TATDN3: variants seen among roughly 807,000 people sequenced by gnomAD.
TATDN3 encodes the protein TatD DNase domain containing 3.
In TATDN3, 29 loss-of-function variants were observed where a neutral mutation model predicts 40.1. That is an observed-to-expected ratio of 0.72 (90% CI 0.54 to 0.99). The LOEUF is 0.99. TATDN3 is among the 50% of genes least tolerant of loss of function. The pLI, the probability that TATDN3 is intolerant of heterozygous loss-of-function variation, is 0.00. For synonymous variants in TATDN3, 105 were observed against 117.0 expected (o/e 0.90, Z 0.66); for missense variants, 309 against 321.9 (o/e 0.96, Z 0.31).
chr1:212,797,080 TC>T lies in TATDN3; in HGVS notation c.174-30del, dbSNP rs35184562. The stretch of plus-strand genomic sequence containing the variant: ...ACGTTGTAATCTACTAGTCTACTGT[TC>T]CTGCTTTCTCAGTTGGTTCTACATT... On this transcript the variant is annotated intron_variant, in intron 3 of 9. Transcript: ENST00000366974. 352 of 1,535,366 alleles carry T rather than the reference TC, an allele frequency of 2.3e-4. 1 individual carries two copies. The African/African-American group carries it at 3.6e-3, about 16-fold the overall frequency.
intron 1 of TATDN3, among the ~76,000 whole-genome samples, chr1:212,793,824 A>C (rs1039182950): frequency 2.0e-5 from 3 of 152,160 alleles, no homozygotes; most frequent in Non-Finnish European, 2.9e-5. Flanking sequence ...GGGAAGACCA[A>C]GGTCTGAGGT....
chr1:212,808,259 C>A (rs1055012925), intron 8 of TATDN3, among the ~76,000 whole-genome samples: 1 of 150,722 alleles, frequency 6.6e-6, no homozygotes, highest in Non-Finnish European at 1.5e-5. Context: ...TTGCAGTGAG[C>A]CAAGATCAAG....
intron 7 of TATDN3, among the ~76,000 whole-genome samples, chr1:212,807,482 G>C (rs1662612554): frequency 6.6e-6 from 1 of 151,952 alleles, no homozygotes; most frequent in South Asian, 2.1e-4. Context: ...CGAACTCCTG[G>C]GCTCAAGTGA....
intron 8 of TATDN3, among the ~76,000 whole-genome samples, chr1:212,808,964 A>C (rs1662700126): frequency 6.6e-6 from 1 of 152,266 alleles, no homozygotes; most frequent in Non-Finnish European, 1.5e-5. Context: ...TCAGCTGATG[A>C]ATGGATAAAT....
chr1:212,794,079 G>C (rs11120028), intron 1 of TATDN3, among the ~76,000 whole-genome samples: 24,681 of 151,256 alleles, frequency 0.16, 2,956 homozygotes, highest in Admixed American at 0.39. Flanking sequence ...AGGAGATCGA[G>C]ACCATCCTGG....
At position 212,806,827 on chromosome 1, in the gene TATDN3, CAT is replaced by C. The variant is rs1388610658; in HGVS notation, c.488-901_488-900del. ...ATATACACATATATACACATATATA[CAT>C]ATATATACATATATACACATATATA... On this transcript the variant is annotated intron_variant, in intron 7 of 9. Coordinates refer to ENST00000366974, the MANE Select transcript of TATDN3 (RefSeq NM_001042552.3). Among the ~76,000 whole-genome samples, 10 of 74,170 alleles carry C rather than the reference CAT, an allele frequency of 1.3e-4. 1 individual carries two copies. The highest frequency in any genetic ancestry group is 4.1e-4 in the African/African-American group (8 of 19,578). 48.7% of individuals were successfully genotyped at this position (74,170 alleles called of 152,430 possible).
In TATDN3 at chr1:212,797,194, A is replaced by G; in HGVS notation, c.256A>G (p.Lys86Glu). Residue 86 changes from lysine (K) to glutamate (E), a missense_variant and splice_region_variant, in exon 4 of 10, where the codon AAG becomes GAG. Lys to Glu is a moderately conservative substitution (Grantham distance 56). Coordinates refer to ENST00000366974, the MANE Select transcript of TATDN3 (RefSeq NM_001042552.3). Reference sequence around the variant, plus strand: ...AGAAGACCAAAGAAGTGTCACACTAAAGGTAACAGTCATACAAAACAGGAA... The same window carrying G: ...AGAAGACCAAAGAAGTGTCACACTAGAGGTAACAGTCATACAAAACAGGAA... ...PPEDQRSVTLKDLDVALPIIE... is the reference protein window; with the variant it reads ...PPEDQRSVTLEDLDVALPIIE... 6.2e-7 allele frequency: 1 copy of G among 1,612,708 alleles called. No homozygotes were observed. The highest frequency in any genetic ancestry group is 8.5e-7 in the Non-Finnish European group (1 of 1,178,718).
At chr1:212,810,300 C>G (rs1278689878) in intron 8 of TATDN3, among the ~76,000 whole-genome samples, 2 of 151,840 alleles carry the variant, frequency 1.3e-5, no homozygotes, top group African/African-American at 4.8e-5. Flanking sequence ...ACGACGTGGT[C>G]AGGAGATCAA....
At chr1:212,801,707 C>G (rs1438344199) in intron 4 of TATDN3, among the ~76,000 whole-genome samples, 1 of 152,186 alleles carries the variant, frequency 6.6e-6, no homozygotes, top group Non-Finnish European at 1.5e-5. Context: ...GTTTAACCTA[C>G]TCAGCTTGTT....
chr1:212,816,402 A>G lies in TATDN3; in HGVS notation c.*1246A>G, dbSNP rs1388669373. On this transcript the variant is annotated 3_prime_UTR_variant, in exon 10 of 10. Coordinates refer to ENST00000366974, the MANE Select transcript of TATDN3 (RefSeq NM_001042552.3). ...AGATAGATGGTAGTGATGGTAGCAC[A>G]TCAATGTGAAGGTATTTAATGCCAC... 3 of 152,230 alleles carry G rather than the reference A, an allele frequency of 2.0e-5. No individual in the cohort carries two copies. Among genetic ancestry groups the G allele is most frequent in the Admixed American group, 1.3e-4 (2 of 15,278 alleles). The allele number at this position is 152,230 out of a possible 1,614,324, so 9.4% of individuals were successfully genotyped here.
chr1:212,814,888 A>C (rs550921666), intron 9 of TATDN3, 125 bp from the exon 10 acceptor site: 3 of 1,134,958 alleles, frequency 2.6e-6, no homozygotes, highest in Non-Finnish European at 3.7e-6. Flanking sequence ...CCCACCTAAA[A>C]AGAAAAAAAT....
At chr1:212,795,024 A>G (rs1661647740) in intron 1 of TATDN3, 71 bp from the exon 2 acceptor site, 3 of 1,245,152 alleles carry the variant, frequency 2.4e-6, no homozygotes, top group South Asian at 1.2e-5. Context: ...CCACAACTAC[A>G]TTGACATATA....
chr1:212,795,019 A>G (rs1487866319), intron 1 of TATDN3, 76 bp from the exon 2 acceptor site: 1 of 1,205,868 alleles, frequency 8.3e-7, no homozygotes, highest in Non-Finnish European at 1.2e-6. Context: ...TGATGCCACA[A>G]CTACATTGAC....
chr1:212,794,459 C>T (rs904069844), intron 1 of TATDN3, among the ~76,000 whole-genome samples: 15 of 151,918 alleles, frequency 9.9e-5, no homozygotes, highest in African/African-American at 3.1e-4. Flanking sequence ...AGTGTGGTGG[C>T]GGTCACCTGT....
intron 4 of TATDN3, among the ~76,000 whole-genome samples, chr1:212,797,868 G>C (rs924822821): frequency 1.3e-5 from 2 of 152,136 alleles, no homozygotes; most frequent in South Asian, 4.1e-4. Flanking sequence ...ACTGACTCAC[G>C]ATAGTTGGTA....
chr1:212,808,257 A>G (rs1558085189), intron 8 of TATDN3, among the ~76,000 whole-genome samples: 1 of 151,292 alleles, frequency 6.6e-6, no homozygotes, highest in Admixed American at 6.6e-5. Context: ...GGTTGCAGTG[A>G]GCCAAGATCA....
chr1:212,791,897 C>T lies in TATDN3; in HGVS notation c.-25C>T, dbSNP rs57451249. The T allele has an allele frequency of 1.2e-6, 2 of 1,612,626 alleles. No homozygotes were observed. Among genetic ancestry groups the T allele is most frequent in the Admixed American group, 1.7e-5 (1 of 59,894 alleles). Reference sequence around the variant, plus strand: ...TCCGGCTCCGGCTCTGCTGGCCGGTCTAAAGCGGCAGCCGCCGGGGCGCAA... The same window carrying T: ...TCCGGCTCCGGCTCTGCTGGCCGGTTTAAAGCGGCAGCCGCCGGGGCGCAA... On this transcript the variant is annotated 5_prime_UTR_variant, in exon 1 of 10. Transcript: ENST00000366974.
In TATDN3 at chr1:212,816,719, C is replaced by T. The variant is rs1558091162; in HGVS notation, c.*1563C>T. Reference sequence around the variant, plus strand: ...AGATTGTCCAAACCAGACTAAGAAACTGAATAGGGTATTTTATGAGGTATT... The same window carrying T: ...AGATTGTCCAAACCAGACTAAGAAATTGAATAGGGTATTTTATGAGGTATT... On this transcript the variant is annotated 3_prime_UTR_variant, in exon 10 of 10. Transcript: ENST00000366974. The T allele has an allele frequency of 6.6e-6, 1 of 152,132 alleles. No homozygotes were observed. Among genetic ancestry groups the T allele is most frequent in the African/African-American group, 2.4e-5 (1 of 41,438 alleles). 9.4% of individuals were successfully genotyped at this position (152,132 alleles called of 1,614,324 possible). A position where few individuals can be genotyped will look rare whatever the true frequency, so the allele number is the denominator to read the frequency against.
chr1:212,806,747 CATATATATATATATATATATATAT>C (rs71495077), intron 7 of TATDN3, among the ~76,000 whole-genome samples: 2 of 43,976 alleles, frequency 4.5e-5, no homozygotes, highest in African/African-American at 7.6e-5. Context: ...TCTCTCTCTC[CATATATATATATATATATATATAT>C]ATATATATAT....
Sources: gnomAD v4.1 joint callset for allele counts (sites outside exome capture counted in the v4.1 genomes callset) on GRCh38, gnomAD v4.1.1 for gene constraint, MANE v1.5 for transcripts, NCBI Gene and HGNC (gene_info 2026-07-23, HGNC 2026-07-21) for gene names.